Variants in TF observed in about 807,000 individuals in gnomAD.
TF encodes transferrin, also known as serotransferrin.
TF carries 55 observed loss-of-function variants against 82.4 expected under a neutral mutation model. The observed-to-expected ratio is 0.67, with a 90% confidence interval of 0.54 to 0.84. The LOEUF is 0.84. Ranked by LOEUF, TF falls within the 40% of genes least tolerant of loss-of-function variation. The pLI is 0.00. For synonymous variants in TF, 332 were observed against 332.6 expected (o/e 1.00, Z 0.02); for missense variants, 737 against 868.4 (o/e 0.85, Z 1.90).
the TF span, among the ~76,000 whole-genome samples, chr3:133,740,966 A>G: frequency 1.4e-5 from 1 of 69,166 alleles, no homozygotes; most frequent in Non-Finnish European, 2.9e-5. Flanking sequence ...TGGTGTGTTT[A>G]CCTACCTTGA....
chr3:133,687,695 T>A, the TF span, among the ~76,000 whole-genome samples: 1 of 152,256 alleles, frequency 6.6e-6, no homozygotes, highest in Non-Finnish European at 1.5e-5. Context: ...TAGCCTTTTG[T>A]GTCTGGCTCC....
In TF at chr3:133,784,468, AAAAAATAATAAT is replaced by A. The variant is rs1463214809; in HGVS notation, c.*5851_*5862del. 9 of 83,622 alleles carry A rather than the reference AAAAAATAATAAT, an allele frequency of 1.1e-4. No individual in the cohort carries two copies. Among genetic ancestry groups the A allele is most frequent in the Non-Finnish European group, 1.5e-4 (6 of 38,738 alleles). 5.2% of individuals were successfully genotyped at this position (83,622 alleles called of 1,614,324 possible). On this transcript the variant is annotated 3_prime_UTR_variant, in exon 17 of 17. Coordinates refer to ENST00000402696, the MANE Select transcript of TF (RefSeq NM_001063.4). ...ACATCTTGTAAATTCCCATTTGTTA[AAAAAATAATAAT>A]AATAATAATAATAATAATAATAATA...
At chr3:133,740,111 A>G in the TF span, among the ~76,000 whole-genome samples, 1 of 152,350 alleles carries the variant, frequency 6.6e-6, no homozygotes, top group South Asian at 2.1e-4. Flanking sequence ...AGACTGGATA[A>G]ATAACATGTG....
intron 9 of TF, chr3:133,761,417 C>G (rs370207765): frequency 1.3e-5 from 2 of 152,102 alleles, no homozygotes; most frequent in East Asian, 1.9e-4. Flanking sequence ...ACCAGCTACT[C>G]AGGAGGCTAA....
At chr3:133,690,820 G>A in the TF span, among the ~76,000 whole-genome samples, 6 of 152,124 alleles carry the variant, frequency 3.9e-5, no homozygotes, top group African/African-American at 1.4e-4. Flanking sequence ...TGGAGCCCAC[G>A]GGACGGACTG....
chr3:133,756,756 C>T, intron 6 of TF, 75 bp from the exon 7 acceptor site: 1 of 1,564,732 alleles, frequency 6.4e-7, no homozygotes, highest in Non-Finnish European at 8.8e-7. Context: ...TTTCTATGAT[C>T]AATTGAATTT....
At chr3:133,696,660 T>C in the TF span, among the ~76,000 whole-genome samples, 1 of 152,268 alleles carries the variant, frequency 6.6e-6, no homozygotes, top group African/African-American at 2.4e-5. Flanking sequence ...TCATTATAAA[T>C]GTCTCTCAAC....
chr3:133,772,661 C>A (rs1026176204), intron 14 of TF: 4 of 152,174 alleles, frequency 2.6e-5, no homozygotes, highest in Non-Finnish European at 4.4e-5. Context: ...GCCCATCAGG[C>A]CTAGATTAAG....
At chr3:133,744,471 A>C (rs1414536221), upstream of TF, among the ~76,000 whole-genome samples, 1 of 152,138 alleles carries the variant, frequency 6.6e-6, no homozygotes, top group Non-Finnish European at 1.5e-5. Context: ...CTTGCCCCTG[A>C]CTTTTCCTGC....
chr3:133,721,498 G>A, the TF span, among the ~76,000 whole-genome samples: 2 of 152,080 alleles, frequency 1.3e-5, no homozygotes, highest in Non-Finnish European at 2.9e-5. Flanking sequence ...TTGTTTTGTG[G>A]CCTAATGTGA....
At position 133,795,965 on chromosome 3, in the gene TF, C is replaced by T. The variant is rs1319136027; in HGVS notation, c.*17345C>T. On this transcript the variant is annotated 3_prime_UTR_variant, in exon 17 of 17. Coordinates refer to ENST00000402696, the MANE Select transcript of TF (RefSeq NM_001063.4). ...CAGGCCCCAACAGACCAAACTAAAC[C>T]AAAACGGAGTCACGTATGCCAAGAC... 2 of 152,112 alleles carry T rather than the reference C, an allele frequency of 1.3e-5. No individual in the cohort carries two copies. The highest frequency in any genetic ancestry group is 2.9e-5 in the Non-Finnish European group (2 of 68,056). The allele number at this position is 152,112 out of a possible 1,614,324, so 9.4% of individuals were successfully genotyped here.
At chr3:133,739,393 A>G in the TF span, among the ~76,000 whole-genome samples, 2 of 152,230 alleles carry the variant, frequency 1.3e-5, no homozygotes, top group Non-Finnish European at 2.9e-5. Context: ...ACCATTCAGG[A>G]CATAGGCATG....
rs1364602725 is a variant in TF at position 133,792,741 on chromosome 3, T to A, written c.*14121T>A. ...TAGATTTTTTTTTCTGTCTAAAGGG[T>A]TAAAGGATTGTTTTAAGTTAGGATA... is the stretch of plus-strand genomic sequence containing the variant. On this transcript the variant is annotated 3_prime_UTR_variant, in exon 17 of 17. Coordinates refer to ENST00000402696, the MANE Select transcript of TF (RefSeq NM_001063.4). 1 of 152,006 alleles carries A rather than the reference T, an allele frequency of 6.6e-6. No homozygotes were observed. The highest frequency in any genetic ancestry group is 1.9e-4 in the East Asian group (1 of 5,194). The allele number at this position is 152,006 out of a possible 1,614,324, so 9.4% of individuals were successfully genotyped here.
chr3:133,771,730 C>T (rs1406682834), intron 14 of TF, among the ~76,000 whole-genome samples: 27 of 72,686 alleles, frequency 3.7e-4, no homozygotes, highest in African/African-American at 1.1e-3. Flanking sequence ...GGCGACAGAG[C>T]GAGACTCCGT....
At chr3:133,702,906 A>C in the TF span, among the ~76,000 whole-genome samples, 1 of 152,170 alleles carries the variant, frequency 6.6e-6, no homozygotes, top group African/African-American at 2.4e-5. Context: ...GTAAGGATTA[A>C]GTAAATCTCA....
In TF at chr3:133,783,829, T is replaced by A. The variant is rs1934574891; in HGVS notation, c.*5209T>A. On this transcript the variant is annotated 3_prime_UTR_variant, in exon 17 of 17. Coordinates refer to ENST00000402696, the MANE Select transcript of TF (RefSeq NM_001063.4). ...TGAAGCAGCGGCGAACCACTTTTCC[T>A]CCCCGACCTGCCGGCTGCAGGGTCT... 1 of 152,192 alleles carries A rather than the reference T, an allele frequency of 6.6e-6. No homozygotes were observed. The highest frequency in any genetic ancestry group is 2.4e-5 in the African/African-American group (1 of 41,428). 9.4% of individuals were successfully genotyped at this position (152,192 alleles called of 1,614,324 possible).
At chr3:133,668,200 G>A in the TF span, among the ~76,000 whole-genome samples, 51 of 152,334 alleles carry the variant, frequency 3.3e-4, no homozygotes, top group African/African-American at 1.2e-3. Context: ...ATTGCTTTCT[G>A]AACCCAACCA....
At chr3:133,761,296 C>A in intron 9 of TF, 3 of 186,016 alleles carry the variant, frequency 1.6e-5, no homozygotes, top group Non-Finnish European at 2.3e-5. Flanking sequence ...AAGCTTTGAG[C>A]TTCTTTGTTT....
chr3:133,704,847 G>C, the TF span, among the ~76,000 whole-genome samples: 1 of 152,208 alleles, frequency 6.6e-6, no homozygotes, highest in Admixed American at 6.5e-5. Context: ...GAAAAATGAA[G>C]CTGGTGTAAA....
Sources: gnomAD v4.1 joint callset for allele counts (sites outside exome capture counted in the v4.1 genomes callset) on GRCh38, gnomAD v4.1.1 for gene constraint, MANE v1.5 for transcripts, NCBI Gene and HGNC (gene_info 2026-07-23, HGNC 2026-07-21) for gene names.